The following ITIH2 variants were observed in gnomAD, a reference collection of about 807,000 sequenced individuals.
The protein encoded by ITIH2 is inter-alpha-trypsin inhibitor heavy chain 2, also known as inter-alpha-trypsin inhibitor heavy chain H2.
In ITIH2, 103 loss-of-function variants were observed where a neutral mutation model predicts 104.4. The observed-to-expected ratio is 0.99, with a 90% confidence interval of 0.84 to 1.16. The LOEUF (loss-of-function observed/expected upper bound fraction) is 1.16. Among genes scored for constraint, ITIH2 ranks in the 50% most tolerant of loss-of-function variants. The probability of loss-of-function intolerance (pLI) is 0.00; values close to 1 mark genes in which losing one functional copy is unlikely to be tolerated. For synonymous variants in ITIH2, 436 were observed against 435.4 expected (o/e 1.00, Z -0.02); for missense variants, 1,108 against 1,162.4 (o/e 0.95, Z 0.68).
chr10:7,707,771 G>A lies in ITIH2; in HGVS notation c.192+538G>A, dbSNP rs369879746. On this transcript the variant is annotated intron_variant, in intron 3 of 20. Coordinates refer to ENST00000358415, the MANE Select transcript of ITIH2 (RefSeq NM_002216.3). Reference sequence around the variant, plus strand: ...GTAGAGATGGGGTTTCACCATGTTGGCCAGGCTGGTCTCGAACTCCTGACC... The same window carrying A: ...GTAGAGATGGGGTTTCACCATGTTGACCAGGCTGGTCTCGAACTCCTGACC... 5.5e-4 allele frequency among the ~76,000 whole-genome samples: 83 copies of A among 152,140 alleles called. No individual in the cohort carries two copies. In the East Asian group the frequency reaches 0.01, roughly 18 times the overall value.
chr10:7,713,490 C>A, intron 5 of ITIH2: 1 of 518,242 alleles, frequency 1.9e-6, no homozygotes, highest in Non-Finnish European at 3.4e-6. Flanking sequence ...TGGGTGATCC[C>A]ACGCTGGTTG....
chr10:7,731,382 C>T (rs974360904), intron 12 of ITIH2, among the ~76,000 whole-genome samples: 8 of 152,170 alleles, frequency 5.3e-5, no homozygotes, highest in South Asian at 2.1e-4. Flanking sequence ...TTGTCCCAAA[C>T]GTCCTGTGTG....
At chr10:7,748,521 CTTTTTTTTTTTT>C (rs549517172) in intron 20 of ITIH2, among the ~76,000 whole-genome samples, 27 of 27,132 alleles carry the variant, frequency 1.0e-3, no homozygotes, top group Admixed American at 1.3e-3. Flanking sequence ...CCAATGCATT[CTTTTTTTTTTTT>C]TTTTTTTTTT....
intron 18 of ITIH2, 149 bp downstream of exon 18, chr10:7,744,429 T>C: frequency 1.3e-6 from 1 of 743,810 alleles, no homozygotes; most frequent in Non-Finnish European, 2.2e-6. Flanking sequence ...CACTCCCTAC[T>C]CTGTTCCTGG....
Position 7,717,634 on chromosome 10 carries a change from C to G in ITIH2, c.476C>G (p.Ala159Gly), listed in dbSNP as rs1834862774. 6.2e-7 allele frequency: 1 copy of G among 1,613,410 alleles called. No individual in the cohort carries two copies. The highest frequency in any genetic ancestry group is 1.3e-5 in the African/African-American group (1 of 75,030). The part of the protein sequence containing the change: ...GKTAGLVRSS[A>G]LDMENFRTEV... Reference sequence around the variant, plus strand: ...GGGGCTTTCACCTTTAGGAGCAGCGCTCTTGATATGGAAAACTTCAGAACG... The same window carrying G: ...GGGGCTTTCACCTTTAGGAGCAGCGGTCTTGATATGGAAAACTTCAGAACG... The change falls in exon 6 of 21, where the codon GCT becomes GGT. Residue 159 changes from alanine (A) to glycine (G), a missense_variant. Ala to Gly is a moderately conservative substitution (Grantham distance 60). Transcript: ENST00000358415.
chr10:7,718,197 C>CA (rs1181524569), intron 6 of ITIH2, among the ~76,000 whole-genome samples: 2 of 152,118 alleles, frequency 1.3e-5, no homozygotes, highest in African/African-American at 4.8e-5. Flanking sequence ...GCCTTGTAGT[C>CA]AGATCACTCC....
chr10:7,721,740 A>G lies in ITIH2; in HGVS notation c.830A>G (p.Tyr277Cys), dbSNP rs1253753140. Reference sequence around the variant, plus strand: ...GTAGATGGGGAACTGGTGGTGCTGTATGACGTGAAAAGAGAAGAGAAGGCT... The same window carrying G: ...GTAGATGGGGAACTGGTGGTGCTGTGTGACGTGAAAAGAGAAGAGAAGGCT... The part of the protein sequence containing the change: ...TAVDGELVVL[Y>C]DVKREEKAGE... The change falls in exon 8 of 21, where the codon TAT becomes TGT. Residue 277 changes from tyrosine to cysteine, a missense_variant. Physicochemically the swap from Tyr to Cys is radical, Grantham distance 194. Coordinates refer to ENST00000358415, the MANE Select transcript of ITIH2 (RefSeq NM_002216.3). 1 of 1,613,930 alleles carries G rather than the reference A, an allele frequency of 6.2e-7. No individual in the cohort carries two copies.
Position 7,713,265 on chromosome 10 carries a change from C to T in ITIH2, c.447C>T (p.Gly149=), listed in dbSNP as rs1834814823. 3 of 1,613,988 alleles carry T rather than the reference C, an allele frequency of 1.9e-6. No individual in the cohort carries two copies. In the East Asian group the frequency reaches 6.7e-5, roughly 36 times the overall value. Residue 149 remains glycine (G), a synonymous_variant, in exon 5 of 21, where the codon GGC becomes GGT. Transcript: ENST00000358415. ...RALYAQARAK[G]KTAGLVRSSA... is the part of the protein sequence containing the mutation. ...TTTATGCACAGGCCAGAGCAAAAGG[C>T]AAGACGGCTGGCTTGGTGAGGTAAG...
rs1835095307 is a variant in ITIH2, at chr10:7,738,688, G to A, written c.2025G>A (p.Thr675=). Residue 675 remains threonine, a synonymous_variant, in exon 16 of 21, where the codon ACG becomes ACA. Transcript: ENST00000358415. ...CGTCTTGGGCCAATCCTTCACCAACGCCCGTGATCTCCATGCTGGCACAAG... is the reference window on the plus strand; with the variant it reads ...CGTCTTGGGCCAATCCTTCACCAACACCCGTGATCTCCATGCTGGCACAAG... ...STPSWANPSP[T]PVISMLAQGS... is the part of the protein sequence containing the mutation. 7 of 1,613,452 alleles carry A rather than the reference G, an allele frequency of 4.3e-6. No individual in the cohort carries two copies. The highest frequency in any genetic ancestry group is 1.3e-5 in the African/African-American group (1 of 74,832).
In ITIH2 at chr10:7,729,981, A is replaced by C. The variant is rs890454076; in HGVS notation, c.1309A>C (p.Asn437His). 1 of 1,604,854 alleles carries C rather than the reference A, an allele frequency of 6.2e-7. No individual in the cohort carries two copies. Among genetic ancestry groups the C allele is most frequent in the East Asian group, 2.2e-5 (1 of 44,748 alleles). The change falls in exon 12 of 21, where the codon AAC (asparagine) becomes CAC (histidine). Residue 437 changes from asparagine to histidine, a missense_variant. Asn to His is a moderately conservative substitution (Grantham distance 68). Transcript: ENST00000358415. ...GELKLSKIQKNVKENIQDNIS... is the reference protein window; with the variant it reads ...GELKLSKIQKHVKENIQDNIS... ...ACTAAAACTGTCAAAAATTCAGAAA[A>C]ACGTTAAGGAGAACATCCAAGACAA...
intron 8 of ITIH2, among the ~76,000 whole-genome samples, 162 bp downstream of exon 8, chr10:7,721,939 C>T (rs1259111001): frequency 6.6e-6 from 1 of 152,134 alleles, no homozygotes; most frequent in Non-Finnish European, 1.5e-5. Flanking sequence ...TACCGCTAAG[C>T]ATTATCTTTT....
chr10:7,731,758 G>A (rs1835004819), intron 12 of ITIH2, 53 bp from the exon 13 acceptor site: 1 of 1,217,088 alleles, frequency 8.2e-7, no homozygotes, highest in African/African-American at 1.5e-5. Flanking sequence ...AAATGCTTTA[G>A]ATCTACAAAG....
chr10:7,712,856 C>A (rs1382515214), intron 4 of ITIH2, among the ~76,000 whole-genome samples: 1 of 152,164 alleles, frequency 6.6e-6, no homozygotes, highest in Admixed American at 6.5e-5. Flanking sequence ...CGCGGTGGCT[C>A]ACACCTGTAA....
At position 7,749,329 on chromosome 10, in the gene ITIH2, C is replaced by T. The variant is rs199539248; in HGVS notation, c.2836C>T (p.Pro946Ser). 6.2e-7 allele frequency: 1 copy of T among 1,613,526 alleles called. No individual in the cohort carries two copies. The highest frequency in any genetic ancestry group is 1.1e-5 in the South Asian group (1 of 91,038). Residue 946 changes from proline to serine, a missense_variant, in exon 21 of 21, where the codon CCT becomes TCT. Transcript: ENST00000358415. ...VPQLYSFLKR[P>S] The stretch of plus-strand genomic sequence containing the variant: ...TCAGCTCTACAGCTTTCTCAAACGG[C>T]CTTAAAGGTTTATAGTTTGGGAAAT...
chr10:7,727,696 T>A lies in ITIH2; in HGVS notation c.1154-7T>A. On this transcript the variant is annotated splice_region_variant and splice_polypyrimidine_tract_variant and intron_variant, in intron 10 of 20. Transcript: ENST00000358415. ...ATACCCAACGTTTCATTATGCTACT[T>A]CAACAGGCACAAACATCAACGAAGC... 2 of 1,613,928 alleles carry A rather than the reference T, an allele frequency of 1.2e-6. No individual in the cohort carries two copies. Among genetic ancestry groups the A allele is most frequent in the Non-Finnish European group, 1.7e-6 (2 of 1,179,874 alleles).
At chr10:7,735,953 G>A (rs1280980413) in intron 15 of ITIH2, among the ~76,000 whole-genome samples, 8 of 152,028 alleles carry the variant, frequency 5.3e-5, no homozygotes, top group African/African-American at 1.7e-4. Context: ...GGTTACAGGC[G>A]TGAGCCACCG....
chr10:7,745,222 T>G (rs916444476), intron 19 of ITIH2, among the ~76,000 whole-genome samples: 1 of 152,194 alleles, frequency 6.6e-6, no homozygotes, highest in African/African-American at 2.4e-5. Flanking sequence ...AAGTTTTATG[T>G]TAAAGATTTT....
rs77532574 is a variant in ITIH2 at position 7,730,373 on chromosome 10, C to T, written c.1461+240C>T. ...GGTGTTGGGAACAGCTGTCCTACCC[C>T]CTGAACAAAAAGGCCTTCTGAGCGT... On this transcript the variant is annotated intron_variant, in intron 12 of 20. Transcript: ENST00000358415. Among the ~76,000 whole-genome samples, 866 of 152,294 alleles carry T rather than the reference C, an allele frequency of 5.7e-3. 10 individuals carry two copies. Among genetic ancestry groups the T allele is most frequent in the African/African-American group, 0.02 (837 of 41,548 alleles).
In ITIH2 at chr10:7,731,890, C is replaced by G. The variant is rs776751453; in HGVS notation, c.1541C>G (p.Thr514Ser). 1 of 1,614,014 alleles carries G rather than the reference C, an allele frequency of 6.2e-7. No individual in the cohort carries two copies. The change falls in exon 13 of 21, where the codon ACT becomes AGT. Residue 514 changes from threonine (T) to serine (S), a missense_variant. Coordinates refer to ENST00000358415, the MANE Select transcript of ITIH2 (RefSeq NM_002216.3). Reference sequence around the variant, plus strand: ...CCCCATACATCAGTCACGGACGTCACTCAAAACAATTTCCATAACTACTTT... The same window carrying G: ...CCCCATACATCAGTCACGGACGTCAGTCAAAACAATTTCCATAACTACTTT... ...NYPHTSVTDV[T>S]QNNFHNYFGG...
Sources: gnomAD v4.1 joint callset for allele counts (sites outside exome capture counted in the v4.1 genomes callset) on GRCh38, gnomAD v4.1.1 for gene constraint, MANE v1.5 for transcripts, NCBI Gene and HGNC (gene_info 2026-07-23, HGNC 2026-07-21) for gene names.